Variants in SLC15A1 observed in about 807,000 individuals in gnomAD.
The protein encoded by SLC15A1 is solute carrier family 15 member 1, also known as Caco-2 oligopeptide transporter.
Under a neutral mutation model 92.9 loss-of-function variants are expected in SLC15A1, and 83 were observed. The ratio of observed to expected loss-of-function variants is 0.89; its 90% CI spans 0.75 to 1.07. The LOEUF is 1.07. Ranked by LOEUF, SLC15A1 falls within the 50% of genes least tolerant of loss-of-function variation. The pLI is 0.00. For missense variants in SLC15A1, 857 were observed against 880.1 expected (o/e 0.97, Z 0.33); for synonymous variants, 322 against 318.2 (o/e 1.01, Z -0.13).
chr13:98,745,344 A>G (rs1333748899), intron 1 of SLC15A1, among the ~76,000 whole-genome samples: 2 of 152,230 alleles, frequency 1.3e-5, no homozygotes, highest in Non-Finnish European at 2.9e-5. Flanking sequence ...AGCCATGGAC[A>G]TAGTTCAGAG....
At position 98,684,748 on chromosome 13, in the gene SLC15A1, C is replaced by T. The variant is rs1403177347; in HGVS notation, c.2103G>A (p.Gly701=). The T allele has an allele frequency of 6.2e-7, 1 of 1,613,828 alleles. No individual in the cohort carries two copies. Among genetic ancestry groups the T allele is most frequent in the Non-Finnish European group, 8.5e-7 (1 of 1,180,002 alleles). Residue 701 remains glycine (G), a synonymous_variant, in exon 23 of 23, where the codon GGG becomes GGA. Coordinates refer to ENST00000376503, the MANE Select transcript of SLC15A1 (RefSeq NM_005073.4). ...LEKSNPYFMS[G]ANSQKQM ...TTCACATCTGTTTCTGTGAATTGGC[C>T]CCTGACATGAAATATGGGTTACTCT... is the stretch of plus-strand genomic sequence containing the variant.
chr13:98,702,576 A>G (rs1300303066), intron 17 of SLC15A1, 47 bp from the exon 18 acceptor site: 1 of 1,406,000 alleles, frequency 7.1e-7, no homozygotes, highest in Non-Finnish European at 1.0e-6. Flanking sequence ...AATAATATTC[A>G]TTAGAATGAG....
chr13:98,724,625 C>T (rs1299799156), intron 4 of SLC15A1, among the ~76,000 whole-genome samples: 1 of 152,152 alleles, frequency 6.6e-6, no homozygotes, highest in Admixed American at 6.5e-5. Flanking sequence ...GGGCCCGCCA[C>T]CATGCCCGGC....
intron 18 of SLC15A1, among the ~76,000 whole-genome samples, chr13:98,689,690 T>A (rs1436943986): frequency 6.6e-6 from 1 of 152,058 alleles, no homozygotes; most frequent in Non-Finnish European, 1.5e-5. Flanking sequence ...CCTCAAGAGA[T>A]CCTCCCTCCA....
Position 98,709,449 on chromosome 13 carries a change from T to C in SLC15A1, c.1067+123A>G, listed in dbSNP as rs193208352. 4.5e-5 allele frequency: 32 copies of C among 707,322 alleles called. No individual in the cohort carries two copies. The African/African-American group carries it at 5.4e-4, about 12-fold the overall frequency. 43.8% of individuals were successfully genotyped at this position (707,322 alleles called of 1,614,324 possible). ...CATCAGCACACGAACATTTGTTTTC[T>C]TCATTCTTCAAAACCCTATCCTCTA... On this transcript the variant is annotated intron_variant, in intron 14 of 22. Transcript: ENST00000376503.
Position 98,684,851 on chromosome 13 carries a change from G to C in SLC15A1, c.2000C>G (p.Ala667Gly), listed in dbSNP as rs769397773. 5.4e-5 allele frequency: 87 copies of C among 1,613,994 alleles called. 2 individuals carry two copies. In the East Asian group the frequency reaches 1.9e-3, roughly 36 times the overall value. ...LVVCVIFAIM[A>G]RFYTYINPAE... ...TGGGTTGATGTAAGTATAGAACCGA[G>C]CCATGATGGCAAAAATTACACAGAC... Residue 667 changes from alanine (A) to glycine (G), a missense_variant, in exon 23 of 23, where the codon GCT becomes GGT. Transcript: ENST00000376503.
chr13:98,726,001 C>G, intron 4 of SLC15A1, 122 bp downstream of exon 4: 2 of 1,285,078 alleles, frequency 1.6e-6, no homozygotes, highest in Non-Finnish European at 2.1e-6. Context: ...CCATACCACA[C>G]CTGGCCTCTC....
chr13:98,722,835 T>G (rs1313189767), intron 5 of SLC15A1, among the ~76,000 whole-genome samples: 1 of 152,202 alleles, frequency 6.6e-6, no homozygotes, highest in East Asian at 1.9e-4. Flanking sequence ...TACAATTTAC[T>G]CTTGTGAGAA....
chr13:98,705,653 A>G (rs1341295475), intron 16 of SLC15A1, among the ~76,000 whole-genome samples: 1 of 152,142 alleles, frequency 6.6e-6, no homozygotes. Flanking sequence ...ACACTTTGGG[A>G]GGCTGAGGTG....
intron 3 of SLC15A1, 47 bp from the exon 4 acceptor site, chr13:98,726,311 C>T: frequency 6.2e-7 from 1 of 1,613,080 alleles, no homozygotes; most frequent in Non-Finnish European, 8.5e-7. Flanking sequence ...AAAGTTAGGA[C>T]TGGTTATGGC....
chr13:98,716,688 T>C (rs1322712067), intron 8 of SLC15A1, among the ~76,000 whole-genome samples: 1 of 152,196 alleles, frequency 6.6e-6, no homozygotes, highest in African/African-American at 2.4e-5. Flanking sequence ...GAAACCTTTT[T>C]CTTTCTCTTT....
chr13:98,721,380 T>C (rs1343456977), intron 7 of SLC15A1, 115 bp downstream of exon 7: 1 of 766,328 alleles, frequency 1.3e-6, no homozygotes, highest in East Asian at 2.7e-5. Flanking sequence ...CATCCCAGCA[T>C]GTAGCTGACA....
At chr13:98,698,682 C>T (rs2088042911) in intron 18 of SLC15A1, among the ~76,000 whole-genome samples, 1 of 152,156 alleles carries the variant, frequency 6.6e-6, no homozygotes, top group African/African-American at 2.4e-5. Context: ...GGTGATCCAC[C>T]TACCTCAGCC....
At chr13:98,708,814 G>A (rs370976287) in intron 14 of SLC15A1, 47 bp from the exon 15 acceptor site, 38 of 1,465,408 alleles carry the variant, frequency 2.6e-5, no homozygotes, top group Admixed American at 1.5e-4. Context: ...TCACATAGAT[G>A]AGCTAAGCTA....
intron 18 of SLC15A1, among the ~76,000 whole-genome samples, chr13:98,690,197 G>A (rs983852443): frequency 2.0e-5 from 3 of 152,176 alleles, no homozygotes; most frequent in Non-Finnish European, 4.4e-5. Flanking sequence ...ACCTTTCCAT[G>A]GCTAAAATGT....
intron 1 of SLC15A1, among the ~76,000 whole-genome samples, chr13:98,731,178 G>A (rs2088347752): frequency 2.0e-5 from 3 of 152,322 alleles, no homozygotes; most frequent in Non-Finnish European, 2.9e-5. Context: ...CGTCCACAGC[G>A]GCATCTTTCT....
At chr13:98,731,273 T>C (rs2088348439) in intron 1 of SLC15A1, among the ~76,000 whole-genome samples, 1 of 152,206 alleles carries the variant, frequency 6.6e-6, no homozygotes, top group South Asian at 2.1e-4. Context: ...GGACTTGGGC[T>C]GTCTTTCACA....
intron 1 of SLC15A1, among the ~76,000 whole-genome samples, chr13:98,740,473 C>T (rs1439308169): frequency 6.6e-6 from 1 of 152,180 alleles, no homozygotes; most frequent in Admixed American, 6.5e-5. Flanking sequence ...CCTCCTCCAC[C>T]CCAGCTGTCC....
At chr13:98,750,818 G>A (rs889626338) in intron 1 of SLC15A1, among the ~76,000 whole-genome samples, 9 of 149,992 alleles carry the variant, frequency 6.0e-5, no homozygotes, top group Non-Finnish European at 1.0e-4. Context: ...GTGGCACCAC[G>A]TTGGCTCACT....
Sources: gnomAD v4.1 joint callset for allele counts (sites outside exome capture counted in the v4.1 genomes callset) on GRCh38, gnomAD v4.1.1 for gene constraint, MANE v1.5 for transcripts, NCBI Gene and HGNC (gene_info 2026-07-23, HGNC 2026-07-21) for gene names.